The following PCDHA1 variants were observed in gnomAD, a reference collection of about 807,000 sequenced individuals.
PCDHA1 encodes the protein protocadherin alpha 1.
In PCDHA1, 42 loss-of-function variants were observed where a neutral mutation model predicts 61.3. The observed-to-expected ratio is 0.69, with a 90% CI of 0.54 to 0.89. PCDHA1 has a LOEUF of 0.89. PCDHA1 is among the 40% of genes least tolerant of loss of function. The pLI is 0.00. For synonymous variants in PCDHA1, 610 were observed against 553.8 expected, an observed-to-expected ratio of 1.10 and a Z score of -1.43; for missense variants, 1,256 against 1,235.3, an observed-to-expected ratio of 1.02 and a Z score of -0.25.
intron 1 of PCDHA1, chr5:140,928,482 TG>T (rs782531828): frequency 6.2e-7 from 1 of 1,614,024 alleles, no homozygotes; most frequent in African/African-American, 1.3e-5. Context: ...GCCGGGATGG[TG>T]GCATTCCTCC....
intron 1 of PCDHA1, chr5:140,828,065 AT>A: frequency 2.6e-6 from 4 of 1,559,414 alleles, no homozygotes; most frequent in Non-Finnish European, 3.5e-6. Context: ...AGATCTTCTA[AT>A]GGAAATAAAA....
chr5:140,907,433 G>A (rs1006736760), intron 1 of PCDHA1, among the ~76,000 whole-genome samples: 5 of 152,246 alleles, frequency 3.3e-5, no homozygotes, highest in Admixed American at 1.3e-4. Context: ...GGCATTCTGT[G>A]AGTCCACAGA....
At chr5:140,851,899 C>T (rs1295773158) in intron 1 of PCDHA1, 2 of 973,488 alleles carry the variant, frequency 2.1e-6, no homozygotes, top group African/African-American at 1.8e-5. Flanking sequence ...AGATTTGCCT[C>T]TTTAATGTCA....
At chr5:140,863,351 C>A in intron 1 of PCDHA1, 1 of 1,288,682 alleles carries the variant, frequency 7.8e-7, no homozygotes, top group Non-Finnish European at 1.1e-6. Flanking sequence ...CTGTACACGA[C>A]GCTGCGGTGC....
intron 1 of PCDHA1, chr5:140,853,901 CCTGA>C: frequency 1.0e-6 from 1 of 961,464 alleles, no homozygotes; most frequent in African/African-American, 1.8e-5. Flanking sequence ...GATGTGGTGG[CCTGA>C]CACCTGCAAT....
At chr5:140,906,813 A>G (rs1287106484) in intron 1 of PCDHA1, among the ~76,000 whole-genome samples, 4 of 152,042 alleles carry the variant, frequency 2.6e-5, no homozygotes, top group African/African-American at 4.8e-5. Flanking sequence ...CCTTACCTCC[A>G]CTGTGGAGTA....
Position 140,787,637 on chromosome 5 carries a change from T to C in PCDHA1, c.1347T>C (p.Asn449=), listed in dbSNP as rs782004711. 19 of 1,613,922 alleles carry C rather than the reference T, an allele frequency of 1.2e-5. No homozygotes were observed. The highest frequency in any genetic ancestry group is 1.7e-4 in the Middle Eastern group (1 of 6,030). The change falls in exon 1 of 4, where the codon AAT becomes AAC. Residue 449 remains asparagine, a synonymous_variant. Coordinates refer to ENST00000504120, the MANE Select transcript of PCDHA1 (RefSeq NM_018900.4). ...TGTCCGTGGAGGTGGCCGACGTGAA[T>C]GACAACGCGCCTGCGTTCGCGCAGC... ...ARVSVEVADV[N]DNAPAFAQPE...
Position 140,843,518 on chromosome 5 carries a change from C to G in PCDHA1, c.2394+54834C>G, listed in dbSNP as rs2150361647. On this transcript the variant is annotated intron_variant, in intron 1 of 3. Transcript: ENST00000504120. ...AGCACTGCCCACTGAGGGCGGGTGC[C>G]GGGCGGGCAAGCCCACTCTGGTGTG... 99 of 1,595,534 alleles carry G rather than the reference C, an allele frequency of 6.2e-5. 6 individuals are homozygous for G. The highest frequency in any genetic ancestry group is 1.7e-4 in the Middle Eastern group (1 of 5,992).
At chr5:140,969,552 T>A in intron 1 of PCDHA1, 1 of 1,234,382 alleles carries the variant, frequency 8.1e-7, no homozygotes, top group Non-Finnish European at 1.1e-6. Flanking sequence ...CATGAAGCCT[T>A]GTCCATAAAA....
intron 1 of PCDHA1, chr5:140,808,615 T>G (rs782669350): frequency 3.2e-5 from 52 of 1,613,780 alleles, no homozygotes; most frequent in East Asian, 6.7e-5. Context: ...ACATCTTCAC[T>G]GTGTCTGCGT....
chr5:140,835,632 A>G (rs2150240011), intron 1 of PCDHA1: 1 of 1,613,722 alleles, frequency 6.2e-7, no homozygotes. Flanking sequence ...GGACCGCGAG[A>G]GTGTGTCCGC....
Position 140,824,014 on chromosome 5 carries a change from TG to T in PCDHA1, c.2394+35332del, listed in dbSNP as rs2150131529. On this transcript the variant is annotated intron_variant, in intron 1 of 3. Transcript: ENST00000504120. The stretch of plus-strand genomic sequence containing the variant: ...GTTGTGCTCCAGCGCGGTGGGGAGC[TG>T]GTCGTACTCGCAGCAGAGGAGACAG... The T allele has an allele frequency of 3.7e-6, 6 of 1,614,050 alleles. No homozygotes were observed. The South Asian group carries it at 5.5e-5, about 15-fold the overall frequency.
At chr5:140,882,049 T>G in intron 1 of PCDHA1, 2 of 752,814 alleles carry the variant, frequency 2.7e-6, no homozygotes, top group Non-Finnish European at 4.1e-6. Context: ...TGAGTCATAC[T>G]TACACTTACA....
chr5:140,823,086 C>G (rs2150122075), intron 1 of PCDHA1: 43 of 1,613,882 alleles, frequency 2.7e-5, no homozygotes, highest in Middle Eastern at 1.7e-4. Flanking sequence ...TGTGGGCCAC[C>G]GCCAGCGTGT....
chr5:140,929,164 G>A (rs1554206780), intron 1 of PCDHA1: 10 of 1,614,150 alleles, frequency 6.2e-6, no homozygotes, highest in East Asian at 2.2e-5. Context: ...TCTCTATCGG[G>A]CCTCTCTGGG....
chr5:140,951,176 A>G (rs1392502599), intron 1 of PCDHA1, among the ~76,000 whole-genome samples: 1 of 151,676 alleles, frequency 6.6e-6, no homozygotes, highest in Non-Finnish European at 1.5e-5. Context: ...CTTTAAAGTC[A>G]TTGTCCGCTA....
chr5:140,900,780 C>T (rs1554189418), intron 1 of PCDHA1, among the ~76,000 whole-genome samples: 1 of 152,192 alleles, frequency 6.6e-6, no homozygotes, highest in Admixed American at 6.5e-5. Flanking sequence ...TTTGAGGAAA[C>T]TCCAAACTGT....
intron 1 of PCDHA1, chr5:140,883,519 C>A: frequency 6.2e-7 from 1 of 1,614,190 alleles, no homozygotes; most frequent in Non-Finnish European, 8.5e-7. Flanking sequence ...ACCGCGAGAG[C>A]GTATCAGCCT....
chr5:140,829,342 C>T (rs17844302), intron 1 of PCDHA1: 7 of 1,614,106 alleles, frequency 4.3e-6, no homozygotes, highest in African/African-American at 2.7e-5. Flanking sequence ...ACCGCGAGAG[C>T]GTGTCGGCCT....
Sources: allele counts gnomAD v4.1 joint callset (sites outside exome capture counted in the v4.1 genomes callset), GRCh38; gene constraint gnomAD v4.1.1; transcripts MANE v1.5; gene names NCBI Gene and HGNC (gene_info 2026-07-23, HGNC 2026-07-21).